HERC2: variants seen among roughly 807,000 people sequenced by gnomAD.
HERC2 encodes E3 ubiquitin-protein ligase HERC2.
Under a neutral mutation model 537.7 loss-of-function variants are expected in HERC2, and 102 were observed. The ratio of observed to expected loss-of-function variants is 0.19; its 90% CI spans 0.16 to 0.22. The LOEUF (loss-of-function observed/expected upper bound fraction) is 0.22. Ranked by LOEUF, HERC2 falls within the 10% of genes least tolerant of loss-of-function variation. The probability of loss-of-function intolerance (pLI) is 1.00; values close to 1 mark genes in which losing one functional copy is unlikely to be tolerated. For synonymous variants in HERC2, 2,224 were observed against 2,466.2 expected (o/e 0.90, Z 2.91); for missense variants, 4,236 against 6,198.2 (o/e 0.68, Z 10.63).
chr15:28,161,038 A>T (rs1201620944), intron 69 of HERC2, among the ~76,000 whole-genome samples: 10 of 152,244 alleles, frequency 6.6e-5, no homozygotes, highest in Admixed American at 6.5e-4. Flanking sequence ...ACTAGAAAAA[A>T]GGATACCTAC....
intron 45 of HERC2, among the ~76,000 whole-genome samples, chr15:28,204,967 G>A (rs1898261656): frequency 6.6e-6 from 1 of 152,164 alleles, no homozygotes; most frequent in Admixed American, 6.5e-5. Context: ...AAATTTGGTA[G>A]GGGAACAAAA....
At chr15:28,273,708 A>G (rs749978819) in intron 7 of HERC2, among the ~76,000 whole-genome samples, 2 of 152,216 alleles carry the variant, frequency 1.3e-5, no homozygotes, top group Non-Finnish European at 2.9e-5. Flanking sequence ...TGACCTCTGC[A>G]AGGAGAGTGA....
intron 50 of HERC2, 100 bp from the exon 51 acceptor site, chr15:28,196,669 T>C: frequency 1.5e-6 from 1 of 668,698 alleles, no homozygotes; most frequent in South Asian, 1.9e-5. Context: ...TTGTAGTTAT[T>C]TGTTTTTTAC....
intron 70 of HERC2, among the ~76,000 whole-genome samples, chr15:28,149,946 T>A (rs1892240717): frequency 7.4e-6 from 1 of 135,988 alleles, no homozygotes; most frequent in Non-Finnish European, 1.6e-5. Context: ...CTAGTAAAAT[T>A]ACCAAAAAAC....
chr15:28,154,890 T>C (rs974214001), intron 69 of HERC2, among the ~76,000 whole-genome samples: 20 of 150,916 alleles, frequency 1.3e-4, no homozygotes, highest in African/African-American at 4.6e-4. Flanking sequence ...ACATTAGGTA[T>C]ATCTCCTAAT....
chr15:28,232,539 T>C (rs1596293448), intron 30 of HERC2, among the ~76,000 whole-genome samples: 2 of 149,204 alleles, frequency 1.3e-5, no homozygotes, highest in East Asian at 2.1e-4. Flanking sequence ...CAAAGCAAGA[T>C]TCCATCTCAA....
At chr15:28,275,790 AT>A (rs1304972255) in intron 5 of HERC2, among the ~76,000 whole-genome samples, 13 of 151,722 alleles carry the variant, frequency 8.6e-5, no homozygotes, top group African/African-American at 2.4e-4. Flanking sequence ...CTCAAAAAAA[AT>A]AAAATAAAAT....
At chr15:28,235,188 A>C (rs4035906) in intron 26 of HERC2, among the ~76,000 whole-genome samples, 10 of 152,186 alleles carry the variant, frequency 6.6e-5, no homozygotes, top group East Asian at 3.9e-4. Flanking sequence ...GGAGCATTCC[A>C]CAACCCACCA....
chr15:28,128,936 G>A (rs1889801818), intron 83 of HERC2, among the ~76,000 whole-genome samples: 1 of 152,178 alleles, frequency 6.6e-6, no homozygotes. Flanking sequence ...AGAGGGTAGA[G>A]AGCTCTCAGA....
intron 5 of HERC2, among the ~76,000 whole-genome samples, chr15:28,276,893 CACA>C (rs1370086160): frequency 1.3e-5 from 2 of 151,962 alleles, no homozygotes; most frequent in South Asian, 2.1e-4. Flanking sequence ...GCCTGGGAAA[CACA>C]ACAAGACCCC....
intron 2 of HERC2, among the ~76,000 whole-genome samples, chr15:28,305,841 A>C (rs2076771782): frequency 6.6e-6 from 1 of 151,324 alleles, no homozygotes; most frequent in Non-Finnish European, 1.5e-5. Context: ...AGAAAAAAAC[A>C]AACAACCCCA....
At chr15:28,261,494 G>C (rs2075414081) in intron 15 of HERC2, among the ~76,000 whole-genome samples, 1 of 152,130 alleles carries the variant, frequency 6.6e-6, no homozygotes, top group Admixed American at 6.5e-5. Flanking sequence ...AGAAATGTCA[G>C]TATATAAAAT....
In HERC2 at chr15:28,260,905, C is replaced by T; in HGVS notation, c.2188G>A (p.Val730Ile). The change falls in exon 16 of 93, where the codon GTC (valine) becomes ATC (isoleucine). Residue 730 changes from valine (V) to isoleucine (I), a missense_variant. Around this residue, in one of 27 missense-constraint regions of HERC2, gnomAD observed 754 missense variants for 1,085.0 expected, o/e 0.69. Coordinates refer to ENST00000261609, the MANE Select transcript of HERC2 (RefSeq NM_004667.6). ...TGGTCGTTGCTCCCCCAGCTGTGGA[C>T]CTCGCTGTCCTCAGTCAGAGCCAGG... ...HCLALTEDSE[V>I]HSWGSNDQCQ... 1 of 1,614,214 alleles carries T rather than the reference C, an allele frequency of 6.2e-7. No individual in the cohort carries two copies. The highest frequency in any genetic ancestry group is 8.5e-7 in the Non-Finnish European group (1 of 1,180,042).
In HERC2 at chr15:28,202,185, A is replaced by G. The variant is rs774826754; in HGVS notation, c.7545T>C (p.Asp2515=). 4.8e-5 allele frequency: 77 copies of G among 1,593,286 alleles called. No individual in the cohort carries two copies. Among genetic ancestry groups the G allele is most frequent in the Non-Finnish European group, 6.2e-5 (72 of 1,162,156 alleles). ...HSDIQVTELS[D]ADTVSDEYSD... Reference sequence around the variant, plus strand: ...AATACTCGTCGGACACCGTGTCTGCATCTGAGAGCTCCGTGACCTGTATGT... The same window carrying G: ...AATACTCGTCGGACACCGTGTCTGCGTCTGAGAGCTCCGTGACCTGTATGT... Residue 2515 remains aspartate (D), a synonymous_variant, in exon 47 of 93, where the codon GAT becomes GAC. Transcript: ENST00000261609.
rs1401356684 is a variant in HERC2, at chr15:28,228,363, T to C, written c.5319A>G (p.Ser1773=). The C allele has an allele frequency of 6.2e-7, 1 of 1,612,118 alleles. No individual in the cohort carries two copies. Among genetic ancestry groups the C allele is most frequent in the Admixed American group, 1.7e-5 (1 of 60,022 alleles). ...GCGGGATGGTCCCCAGGCTCGGTCC[T>C]GACGGGTTCTCATTGGTGATGGTTT... ...PLQTITNENP[S]GPSLGTIPQA... The change falls in exon 35 of 93, where the codon TCA becomes TCG. Residue 1773 remains serine, a synonymous_variant. Coordinates refer to ENST00000261609, the MANE Select transcript of HERC2 (RefSeq NM_004667.6).
intron 79 of HERC2, among the ~76,000 whole-genome samples, chr15:28,134,055 G>C (rs1482893078): frequency 6.6e-6 from 1 of 152,178 alleles, no homozygotes. Flanking sequence ...CTATAGATTT[G>C]AGGATAGCCA....
Position 28,272,915 on chromosome 15 carries a change from G to A in HERC2, c.890C>T (p.Ala297Val). 1 of 1,611,216 alleles carries A rather than the reference G, an allele frequency of 6.2e-7. No individual in the cohort carries two copies. The highest frequency in any genetic ancestry group is 8.5e-7 in the Non-Finnish European group (1 of 1,179,830). ...HLALAILLELAVQRGTLSQML... is the reference protein window; with the variant it reads ...HLALAILLELVVQRGTLSQML... ...TCACCTCAGCGTGCCTCTCTGCACA[G>A]CCAGCTCCAGCAGGATGGCCAGGGC... Residue 297 changes from alanine (A) to valine (V), a missense_variant, in exon 8 of 93, where the codon GCT becomes GTT. Physicochemically the swap from Ala to Val is moderately conservative, Grantham distance 64. Around this residue, in one of 27 missense-constraint regions of HERC2, gnomAD observed 491 missense variants for 559.3 expected, o/e 0.88. Transcript: ENST00000261609.
At position 28,132,178 on chromosome 15, in the gene HERC2, G is replaced by A; in HGVS notation, c.12492C>T (p.Asp4164=). 1 of 1,614,002 alleles carries A rather than the reference G, an allele frequency of 6.2e-7. No homozygotes were observed. The change falls in exon 81 of 93, where the codon GAC becomes GAT. Residue 4164 remains aspartate (D), a synonymous_variant. Coordinates refer to ENST00000261609, the MANE Select transcript of HERC2 (RefSeq NM_004667.6). ...CCCCGTCCCCCCAGGACCAGACAGT[G>A]TCGTCATCTGTGAGGCAGAGGGTCT... ...DAQTLCLTDD[D]TVWSWGDGDY... is the part of the protein sequence containing the mutation.
intron 20 of HERC2, among the ~76,000 whole-genome samples, chr15:28,249,946 C>A (rs958157639): frequency 6.6e-6 from 1 of 151,996 alleles, no homozygotes; most frequent in Non-Finnish European, 1.5e-5. Context: ...TGAGCCACCA[C>A]GCCCGGCCTA....
Sources: allele counts gnomAD v4.1 joint callset (sites outside exome capture counted in the v4.1 genomes callset), GRCh38; gene constraint gnomAD v4.1.1; regional missense constraint gnomAD v4.1.1; transcripts MANE v1.5; gene names NCBI Gene and HGNC (gene_info 2026-07-23, HGNC 2026-07-21).